Variants in SORL1 observed in about 807,000 individuals in gnomAD.
The protein encoded by SORL1 is sortilin related receptor 1.
Under a neutral mutation model 273.7 loss-of-function variants are expected in SORL1, and 127 were observed. That is an observed-to-expected ratio of 0.46 (90% CI 0.40 to 0.54). The LOEUF (loss-of-function observed/expected upper bound fraction) is 0.54. SORL1 is among the 20% of genes least tolerant of loss of function. The pLI is 0.00. For missense variants in SORL1, 2,494 were observed against 2,846.1 expected (o/e 0.88, Z 2.81); for synonymous variants, 1,031 against 1,067.4 (o/e 0.97, Z 0.66).
intron 2 of SORL1, among the ~76,000 whole-genome samples, chr11:121,473,157 A>G (rs1283130188): frequency 6.6e-6 from 1 of 152,198 alleles, no homozygotes; most frequent in East Asian, 1.9e-4. Context: ...TTGGGGTAAT[A>G]ACAATCCAAA....
chr11:121,503,641 C>G (rs1226612565), intron 6 of SORL1, among the ~76,000 whole-genome samples: 1 of 152,116 alleles, frequency 6.6e-6, no homozygotes, highest in East Asian at 1.9e-4. Flanking sequence ...GCATTCACCA[C>G]TGTGCCTGGC....
chr11:121,570,109 A>G (rs752298038), intron 22 of SORL1, 48 bp from the exon 23 acceptor site: 2 of 1,239,626 alleles, frequency 1.6e-6, no homozygotes, highest in Non-Finnish European at 2.4e-6. Context: ...TCCAGCAGTA[A>G]GAATAATATT....
chr11:121,471,438 T>TGCG (rs908604148), intron 2 of SORL1, among the ~76,000 whole-genome samples: 6 of 152,218 alleles, frequency 3.9e-5, no homozygotes, highest in Admixed American at 6.5e-5. Context: ...GTCCCAGGTC[T>TGCG]GCGGCCTGTG....
At chr11:121,476,222 G>T (rs1861265047) in intron 2 of SORL1, among the ~76,000 whole-genome samples, 1 of 152,188 alleles carries the variant, frequency 6.6e-6, no homozygotes, top group African/African-American at 2.4e-5. Context: ...TTCTTGGCCG[G>T]CAGAATAGAA....
intron 47 of SORL1, among the ~76,000 whole-genome samples, chr11:121,628,533 C>A (rs1043395875): frequency 1.3e-5 from 2 of 152,206 alleles, no homozygotes; most frequent in African/African-American, 4.8e-5. Context: ...TGTGCGGCCC[C>A]CCATTCCTAA....
At chr11:121,574,177 A>G (rs1862889644) in intron 23 of SORL1, 64 bp from the exon 24 acceptor site, 3 of 1,509,922 alleles carry the variant, frequency 2.0e-6, no homozygotes, top group Non-Finnish European at 2.8e-6. Flanking sequence ...TTCCAGTAGG[A>G]TGTTTACATT....
At chr11:121,548,355 G>T (rs1352558667) in intron 14 of SORL1, among the ~76,000 whole-genome samples, 1 of 152,162 alleles carries the variant, frequency 6.6e-6, no homozygotes, top group Admixed American at 6.5e-5. Flanking sequence ...GCTTTATCTG[G>T]TTCCTAAAAA....
Position 121,545,302 on chromosome 11 carries a change from G to A in SORL1, c.1924G>A (p.Glu642Lys), listed in dbSNP as rs1196349652. Residue 642 changes from glutamate (E) to lysine (K), a missense_variant, in exon 14 of 48, where the codon GAG (glutamate) becomes AAG (lysine). By Grantham distance (56) the Glu-to-Lys change is moderately conservative (BLOSUM62 1). Around this residue, in one of 3 missense-constraint regions of SORL1, gnomAD observed 710 missense variants for 882.5 expected, o/e 0.80. Coordinates refer to ENST00000260197, the MANE Select transcript of SORL1 (RefSeq NM_003105.6). ...LWSPSDERGN[E>K]CLLGHKTVFK... ...GTCACCATCTGATGAGCGGGGGAAT[G>A]AGTGTTTGCTGGGACACAAGACTGT... The A allele has an allele frequency of 1.2e-6, 2 of 1,614,094 alleles. No individual in the cohort carries two copies. The highest frequency in any genetic ancestry group is 1.7e-6 in the Non-Finnish European group (2 of 1,179,944).
At chr11:121,580,716 C>T (rs115109988) in intron 25 of SORL1, among the ~76,000 whole-genome samples, 8 of 151,452 alleles carry the variant, frequency 5.3e-5, no homozygotes, top group South Asian at 4.2e-4. Flanking sequence ...TCCATCTTCC[C>T]GCCTTAGCCT....
At chr11:121,466,884 C>T (rs1861089659) in intron 1 of SORL1, among the ~76,000 whole-genome samples, 1 of 152,110 alleles carries the variant, frequency 6.6e-6, no homozygotes. Flanking sequence ...TATCCCCCTA[C>T]TGGGCTGCCC....
chr11:121,488,292 C>G, intron 4 of SORL1, 99 bp downstream of exon 4: 6 of 1,152,742 alleles, frequency 5.2e-6, no homozygotes, highest in Non-Finnish European at 7.6e-6. Context: ...CCTCCTGCCT[C>G]TCCCTCCTTC....
chr11:121,608,123 G>A lies in SORL1; in HGVS notation c.5186G>A (p.Arg1729His), dbSNP rs534646732. 130 of 1,613,938 alleles carry A rather than the reference G, an allele frequency of 8.1e-5. 2 individuals carry two copies. Among genetic ancestry groups the A allele is most frequent in the South Asian group, 7.7e-4 (70 of 91,064 alleles). The change falls in exon 38 of 48, where the codon CGT becomes CAT. Residue 1729 changes from arginine to histidine, a missense_variant. By Grantham distance (29) the Arg-to-His change is conservative. Around this residue, in one of 3 missense-constraint regions of SORL1, gnomAD observed 1,609 missense variants for 1,816.4 expected, o/e 0.89. Coordinates refer to ENST00000260197, the MANE Select transcript of SORL1 (RefSeq NM_003105.6). ...YTVRVAAVTSRGIGNWSDSKS... is the reference protein window; with the variant it reads ...YTVRVAAVTSHGIGNWSDSKS... ...GAAAAGGTGGCTGCGGTGACTAGTC[G>A]TGGAATAGGAAACTGGAGCGATTCT...
At chr11:121,592,988 G>A (rs1191094739) in intron 31 of SORL1, among the ~76,000 whole-genome samples, 1 of 152,004 alleles carries the variant, frequency 6.6e-6, no homozygotes. Context: ...TAAACTCATT[G>A]TTATCTGTAG....
At chr11:121,543,793 C>CATAA in intron 13 of SORL1, 67 bp downstream of exon 13, 1 of 1,447,132 alleles carries the variant, frequency 6.9e-7, no homozygotes, top group Non-Finnish European at 9.5e-7. Flanking sequence ...GTGCAAAGCA[C>CATAA]CAGCTTAGAT....
chr11:121,554,995 CAAAAATGT>C lies in SORL1; in HGVS notation c.2440-190_2440-183del, dbSNP rs1372298722. 2 of 480,866 alleles carry C rather than the reference CAAAAATGT, an allele frequency of 4.2e-6. No homozygotes were observed. Among genetic ancestry groups the C allele is most frequent in the Non-Finnish European group, 7.1e-6 (2 of 281,056 alleles). The allele number at this position is 480,866 out of a possible 1,614,324, so 29.8% of individuals were successfully genotyped here. A position where few individuals can be genotyped will look rare whatever the true frequency, so the allele number is the denominator to read the frequency against. Reference sequence around the variant, plus strand: ...ATTCTCTTTATTCTGCTTTAAAAAACAAAAATGTAGTATATTTTAGAAATGCTTTCATG... The same window carrying C: ...ATTCTCTTTATTCTGCTTTAAAAAACAGTATATTTTAGAAATGCTTTCATG... On this transcript the variant is annotated intron_variant, in intron 17 of 47. Transcript: ENST00000260197. The surrounding 1 kb of genome is among the most constrained non-coding windows in gnomAD (Gnocchi z 4.6).
rs377498269 is a variant in SORL1, at chr11:121,558,698, A to G, written c.2771A>G (p.Asn924Ser). ...GTGTCTGAGGATGTGAAGTGGCCCA[A>G]TGGCATCTCTGTGGACGACCAGTGG... is the stretch of plus-strand genomic sequence containing the variant. ...HLVSEDVKWPNGISVDDQWIY... is the reference protein window; with the variant it reads ...HLVSEDVKWPSGISVDDQWIY... Residue 924 changes from asparagine (N) to serine (S), a missense_variant, in exon 20 of 48, where the codon AAT becomes AGT. Physicochemically the swap from Asn to Ser is conservative, Grantham distance 46. Transcript: ENST00000260197. 2.6e-5 allele frequency: 42 copies of G among 1,613,992 alleles called. No individual in the cohort carries two copies. The highest frequency in any genetic ancestry group is 1.6e-4 in the Middle Eastern group (1 of 6,084).
At chr11:121,480,017 T>C (rs1348838984) in intron 3 of SORL1, among the ~76,000 whole-genome samples, 1 of 152,202 alleles carries the variant, frequency 6.6e-6, no homozygotes, top group Non-Finnish European at 1.5e-5. Flanking sequence ...TGGGCCCCGC[T>C]GCTTGCCTTG....
chr11:121,481,155 T>C (rs1396628857), intron 3 of SORL1, among the ~76,000 whole-genome samples: 5 of 111,888 alleles, frequency 4.5e-5, no homozygotes, highest in East Asian at 2.6e-4. Flanking sequence ...CCCAGCTTCT[T>C]CCGTAGTGCA....
intron 3 of SORL1, among the ~76,000 whole-genome samples, chr11:121,478,960 G>T (rs548374578): frequency 6.7e-6 from 1 of 150,168 alleles, no homozygotes; most frequent in Non-Finnish European, 1.5e-5. Flanking sequence ...ACCTGCGTGC[G>T]TGCGCATGCT....
Sources: allele counts gnomAD v4.1 joint callset (sites outside exome capture counted in the v4.1 genomes callset), GRCh38; gene constraint gnomAD v4.1.1; regional missense constraint gnomAD v4.1.1; non-coding constraint Gnocchi (gnomAD v3.1); transcripts MANE v1.5; gene names NCBI Gene and HGNC (gene_info 2026-07-23, HGNC 2026-07-21).